The following KIAA0825 variants were observed in gnomAD, a reference collection of about 807,000 sequenced individuals.
KIAA0825 encodes KIAA0825.
In KIAA0825, 119 loss-of-function variants were observed where a neutral mutation model predicts 147.6. The ratio of observed to expected loss-of-function variants is 0.81; its 90% CI spans 0.69 to 0.94. The LOEUF is 0.94. Ranked by LOEUF, KIAA0825 falls within the 40% of genes least tolerant of loss-of-function variation. KIAA0825 has a pLI of 0.00. For synonymous variants in KIAA0825, 470 were observed against 518.1 expected (o/e 0.91, Z 1.26); for missense variants, 1,381 against 1,472.7 (o/e 0.94, Z 1.02).
At chr5:94,200,086 C>T (rs1025234014) in intron 20 of KIAA0825, among the ~76,000 whole-genome samples, 4 of 152,148 alleles carry the variant, frequency 2.6e-5, no homozygotes, top group African/African-American at 2.4e-5. Flanking sequence ...TGGGCACCCA[C>T]GGCCATGTTC....
At chr5:94,368,484 A>G (rs1361884800) in intron 20 of KIAA0825, among the ~76,000 whole-genome samples, 3 of 152,150 alleles carry the variant, frequency 2.0e-5, no homozygotes, top group African/African-American at 7.2e-5. Flanking sequence ...AGTTATTTGC[A>G]ATTGGTTTTA....
chr5:94,334,998 T>C (rs1781663168), intron 20 of KIAA0825, among the ~76,000 whole-genome samples: 1 of 152,210 alleles, frequency 6.6e-6, no homozygotes, highest in Non-Finnish European at 1.5e-5. Context: ...CTTACACAGA[T>C]ATTAAACTGA....
chr5:94,478,836 T>C (rs1762184858), intron 6 of KIAA0825, among the ~76,000 whole-genome samples: 1 of 152,086 alleles, frequency 6.6e-6, no homozygotes, highest in Non-Finnish European at 1.5e-5. Flanking sequence ...GCAGAAACCA[T>C]AAAGTAAGTC....
At chr5:94,594,676 T>C in intron 1 of KIAA0825, 1 of 625,896 alleles carries the variant, frequency 1.6e-6, no homozygotes, top group East Asian at 3.3e-5. Context: ...TTGGAATTTT[T>C]GGGCTATCAT....
intron 20 of KIAA0825, among the ~76,000 whole-genome samples, chr5:94,370,275 G>GT (rs1299318564): frequency 6.6e-5 from 10 of 152,178 alleles, no homozygotes; most frequent in Non-Finnish European, 1.0e-4. Context: ...TTGGCATGGA[G>GT]GTAGAAAGTA....
chr5:94,306,076 A>G (rs1388262845), intron 20 of KIAA0825, among the ~76,000 whole-genome samples: 1 of 151,894 alleles, frequency 6.6e-6, no homozygotes, highest in Non-Finnish European at 1.5e-5. Context: ...AGTTTGGTGA[A>G]AACAAAATAA....
intron 20 of KIAA0825, among the ~76,000 whole-genome samples, chr5:94,328,548 G>T (rs1232441458): frequency 6.6e-6 from 1 of 151,906 alleles, no homozygotes; most frequent in Non-Finnish European, 1.5e-5. Context: ...AAAAAAATCA[G>T]CATGTACTAC....
intron 20 of KIAA0825, among the ~76,000 whole-genome samples, chr5:94,276,537 A>G (rs1209669441): frequency 3.3e-5 from 5 of 152,076 alleles, no homozygotes; most frequent in Non-Finnish European, 5.9e-5. Context: ...GCCGCTTATA[A>G]TATCAGATGG....
chr5:94,269,823 A>G (rs1332862285), intron 20 of KIAA0825, among the ~76,000 whole-genome samples: 6 of 152,248 alleles, frequency 3.9e-5, no homozygotes, highest in Non-Finnish European at 7.4e-5. Flanking sequence ...GCAGAAATAC[A>G]TGAAATTGAA....
rs1009784334 is a variant in KIAA0825, at chr5:94,552,079, A to T, written c.-1-14952T>A. On this transcript the variant is annotated intron_variant, in intron 2 of 20. Coordinates refer to ENST00000682413, the MANE Select transcript of KIAA0825 (RefSeq NM_001145678.3). ...ACTGAAAGTGAAGAGATGGAAAAAG[A>T]TATTCCACACAAAGAGAAACCAAAA... Among the ~76,000 whole-genome samples, 21 of 152,236 alleles carry T rather than the reference A, an allele frequency of 1.4e-4. 1 individual carries two copies. The highest frequency in any genetic ancestry group is 5.1e-4 in the African/African-American group (21 of 41,548).
At chr5:94,206,359 G>A (rs1772200058) in intron 20 of KIAA0825, among the ~76,000 whole-genome samples, 2 of 152,028 alleles carry the variant, frequency 1.3e-5, no homozygotes, top group African/African-American at 4.8e-5. Flanking sequence ...TAGAGACTCT[G>A]GAGAACTATT....
At position 94,466,369 on chromosome 5, in the gene KIAA0825, G is replaced by T. The variant is rs534208228; in HGVS notation, c.1873-1310C>A. Among the ~76,000 whole-genome samples the T allele has an allele frequency of 9.9e-5, 15 of 152,162 alleles. No individual in the cohort carries two copies. In the East Asian group the frequency reaches 2.7e-3, roughly 27 times the overall value. On this transcript the variant is annotated intron_variant, in intron 10 of 20. Transcript: ENST00000682413. The stretch of plus-strand genomic sequence containing the variant: ...ACTTGGGCATCAAAATGTCAGAGTC[G>T]AGTTCAAATGGGAGGGGACTTTGGC...
chr5:94,186,489 C>T (rs980232258), intron 20 of KIAA0825, among the ~76,000 whole-genome samples: 1 of 152,038 alleles, frequency 6.6e-6, no homozygotes, highest in African/African-American at 2.4e-5. Context: ...ATAAATAAGT[C>T]AATTTGTAGG....
rs987025813 is a variant in KIAA0825, at chr5:94,218,898, C to T, written c.3711-64774G>A. 2.6e-5 allele frequency among the ~76,000 whole-genome samples: 4 copies of T among 152,276 alleles called. No homozygotes were observed. In the South Asian group the frequency reaches 8.3e-4, roughly 32 times the overall value. The stretch of plus-strand genomic sequence containing the variant: ...ATTTTTGTTGTTGTTGTTGTTCCTT[C>T]CTATGACATTTACCTTATTCAGCTT... On this transcript the variant is annotated intron_variant, in intron 20 of 20. Coordinates refer to ENST00000682413, the MANE Select transcript of KIAA0825 (RefSeq NM_001145678.3).
chr5:94,490,268 G>A (rs1480603016), intron 5 of KIAA0825, among the ~76,000 whole-genome samples: 1 of 152,028 alleles, frequency 6.6e-6, no homozygotes, highest in Non-Finnish European at 1.5e-5. Context: ...CAAAGTGAAT[G>A]AAATCCCATC....
intron 13 of KIAA0825, among the ~76,000 whole-genome samples, chr5:94,448,589 T>C (rs1047273856): frequency 2.6e-5 from 4 of 152,192 alleles, no homozygotes; most frequent in Admixed American, 2.0e-4. Context: ...AGTTCCTTCA[T>C]GATATTAACT....
intron 20 of KIAA0825, among the ~76,000 whole-genome samples, chr5:94,339,497 A>G (rs1782144896): frequency 6.6e-6 from 1 of 152,196 alleles, no homozygotes; most frequent in South Asian, 2.1e-4. Context: ...GGTGAACCGT[A>G]TTGAATATCT....
intron 16 of KIAA0825, among the ~76,000 whole-genome samples, chr5:94,399,314 C>A (rs886432346): frequency 6.6e-6 from 1 of 152,020 alleles, no homozygotes; most frequent in Non-Finnish European, 1.5e-5. Context: ...ATCTTATATT[C>A]CCTCTGTCTT....
chr5:94,539,447 C>A (rs1424196673), intron 2 of KIAA0825, among the ~76,000 whole-genome samples: 2 of 152,156 alleles, frequency 1.3e-5, no homozygotes, highest in Non-Finnish European at 1.5e-5. Context: ...TTTCCTCTAG[C>A]ATCTTTCTGG....
Sources: allele counts gnomAD v4.1 joint callset (sites outside exome capture counted in the v4.1 genomes callset), GRCh38; gene constraint gnomAD v4.1.1; transcripts MANE v1.5; gene names NCBI Gene and HGNC (gene_info 2026-07-23, HGNC 2026-07-21).